RPS6KC1: variants seen among roughly 807,000 people sequenced by gnomAD.
The protein encoded by RPS6KC1 is ribosomal protein S6 kinase C1.
A neutral mutation model predicts 103.8 loss-of-function variants in RPS6KC1; 54 were observed. The ratio of observed to expected loss-of-function variants is 0.52; its 90% CI spans 0.42 to 0.65. RPS6KC1 has a LOEUF of 0.65. RPS6KC1 is among the 30% of genes least tolerant of loss of function. The probability of loss-of-function intolerance (pLI) is 0.00; values close to 1 mark genes in which losing one functional copy is unlikely to be tolerated. For synonymous variants in RPS6KC1, 439 were observed against 438.7 expected (o/e 1.00, Z -0.01); for missense variants, 1,151 against 1,253.8 (o/e 0.92, Z 1.24).
the RPS6KC1 span, among the ~76,000 whole-genome samples, chr1:213,460,639 G>T: frequency 6.6e-6 from 1 of 152,060 alleles, no homozygotes; most frequent in Non-Finnish European, 1.5e-5. Flanking sequence ...TATGATGCTA[G>T]CTGGTTATTT....
chr1:213,185,056 T>C (rs1016188322), intron 8 of RPS6KC1, among the ~76,000 whole-genome samples: 7 of 152,194 alleles, frequency 4.6e-5, no homozygotes, highest in African/African-American at 1.7e-4. Context: ...CGCTGGATGA[T>C]CTGTCCATTA....
the RPS6KC1 span, among the ~76,000 whole-genome samples, chr1:213,804,242 GA>G: frequency 1.4e-5 from 2 of 138,414 alleles, no homozygotes; most frequent in African/African-American, 5.6e-5. Context: ...ATGCTCCAGA[GA>G]ACACAATCAG....
chr1:213,769,911 G>A, the RPS6KC1 span, among the ~76,000 whole-genome samples: 1 of 152,328 alleles, frequency 6.6e-6, no homozygotes, highest in Admixed American at 6.5e-5. Flanking sequence ...ATTGTGGACT[G>A]TTAGTTGTTA....
intron 8 of RPS6KC1, among the ~76,000 whole-genome samples, chr1:213,187,394 G>A (rs968838385): frequency 6.6e-6 from 1 of 151,360 alleles, no homozygotes; most frequent in Non-Finnish European, 1.5e-5. Flanking sequence ...ACAGACATGC[G>A]CCACTATGCC....
the RPS6KC1 span, among the ~76,000 whole-genome samples, chr1:213,652,981 C>T: frequency 3.3e-5 from 5 of 152,302 alleles, no homozygotes; most frequent in South Asian, 6.2e-4. Flanking sequence ...GTATCCCTAG[C>T]GCCTAGCAAG....
the RPS6KC1 span, among the ~76,000 whole-genome samples, chr1:213,672,071 G>A: frequency 6.6e-6 from 1 of 152,080 alleles, no homozygotes; most frequent in Admixed American, 6.5e-5. Flanking sequence ...CCAAGGATAG[G>A]TTGTTCCTTC....
the RPS6KC1 span, among the ~76,000 whole-genome samples, chr1:213,848,300 C>T: frequency 6.6e-6 from 1 of 152,084 alleles, no homozygotes; most frequent in Non-Finnish European, 1.5e-5. Context: ...TTCATTCCTC[C>T]CTTTATTCCT....
intron 8 of RPS6KC1, chr1:213,205,193 T>C: frequency 1.0e-6 from 1 of 959,672 alleles, no homozygotes; most frequent in Non-Finnish European, 1.2e-6. Flanking sequence ...AAAGTTGCTA[T>C]CACAATGTAC....
Position 213,149,275 on chromosome 1 carries a change from G to T in RPS6KC1, c.836-18583G>T, listed in dbSNP as rs974089807. Among the ~76,000 whole-genome samples the T allele has an allele frequency of 2.6e-5, 4 of 151,916 alleles. No individual in the cohort carries two copies. In the East Asian group the frequency reaches 7.7e-4, roughly 29 times the overall value. ...TTTGAAGTTTTTCCTCTTTTTTGAT[G>T]TAGGCACTTGTAGTTCTAAACTTCC... On this transcript the variant is annotated intron_variant, in intron 6 of 14. Transcript: ENST00000366960.
chr1:213,205,342 A>G (rs1353532582), intron 8 of RPS6KC1: 1 of 984,828 alleles, frequency 1.0e-6, no homozygotes, highest in African/African-American at 1.8e-5. Flanking sequence ...TCATGCTTTT[A>G]AGAGTCCCAT....
the RPS6KC1 span, among the ~76,000 whole-genome samples, chr1:213,846,160 C>T: frequency 1.5e-4 from 22 of 150,012 alleles, no homozygotes; most frequent in East Asian, 3.9e-4. Context: ...ATTAGCCTGG[C>T]GTGGTGGCAC....
At chr1:213,184,803 G>A (rs993616769) in intron 8 of RPS6KC1, among the ~76,000 whole-genome samples, 7 of 152,032 alleles carry the variant, frequency 4.6e-5, no homozygotes, top group East Asian at 1.9e-4. Flanking sequence ...TATTTCTGAC[G>A]TTCCTCTTGT....
intron 6 of RPS6KC1, among the ~76,000 whole-genome samples, chr1:213,132,989 A>C (rs1018436772): frequency 3.9e-5 from 6 of 152,180 alleles, no homozygotes; most frequent in Non-Finnish European, 7.4e-5. Flanking sequence ...ACCACATGCA[A>C]AACACAATAG....
At chr1:213,331,894 C>T in the RPS6KC1 span, among the ~76,000 whole-genome samples, 3 of 152,024 alleles carry the variant, frequency 2.0e-5, no homozygotes, top group African/African-American at 7.2e-5. Context: ...GTTTTGACAT[C>T]TTTTTACTCT....
the RPS6KC1 span, among the ~76,000 whole-genome samples, chr1:213,603,838 C>T: frequency 1.7e-4 from 26 of 150,798 alleles, no homozygotes; most frequent in African/African-American, 6.1e-4. Flanking sequence ...CCAGCCCGGG[C>T]GACAGAGGGA....
the RPS6KC1 span, among the ~76,000 whole-genome samples, chr1:213,442,359 A>AT: frequency 6.6e-6 from 1 of 152,310 alleles, no homozygotes; most frequent in Admixed American, 6.5e-5. Context: ...TTCAACAGAC[A>AT]TTTTTTGATG....
At chr1:213,385,966 C>T in the RPS6KC1 span, among the ~76,000 whole-genome samples, 7 of 152,174 alleles carry the variant, frequency 4.6e-5, no homozygotes, top group Non-Finnish European at 7.3e-5. Flanking sequence ...CTGTGTGTCT[C>T]AGTGCTGTAG....
At chr1:213,082,744 A>G (rs2080017698) in intron 3 of RPS6KC1, among the ~76,000 whole-genome samples, 1 of 152,210 alleles carries the variant, frequency 6.6e-6, no homozygotes, top group South Asian at 2.1e-4. Flanking sequence ...GGATTGTTAA[A>G]CAAAAAGGTC....
chr1:213,862,311 C>T, the RPS6KC1 span, among the ~76,000 whole-genome samples: 1 of 152,172 alleles, frequency 6.6e-6, no homozygotes, highest in East Asian at 1.9e-4. Flanking sequence ...TCCTTCCAGG[C>T]CCAATATTTA....
Sources: allele counts gnomAD v4.1 joint callset (sites outside exome capture counted in the v4.1 genomes callset), GRCh38; gene constraint gnomAD v4.1.1; transcripts MANE v1.5; gene names NCBI Gene and HGNC (gene_info 2026-07-23, HGNC 2026-07-21).